The following COL10A1 variants were observed in gnomAD, a reference collection of about 807,000 sequenced individuals.
COL10A1 encodes the protein collagen type X alpha 1 chain.
Under a neutral mutation model 18.2 loss-of-function variants are expected in COL10A1, and 10 were observed. The observed-to-expected ratio is 0.55, with a 90% CI of 0.34 to 0.93. COL10A1 has a LOEUF of 0.93. Ranked by LOEUF, COL10A1 falls within the 40% of genes least tolerant of loss-of-function variation. The pLI, the probability that COL10A1 is intolerant of heterozygous loss-of-function variation, is 0.02. For missense variants in COL10A1, 897 were observed against 853.5 expected, an observed-to-expected ratio of 1.05 and a Z score of -0.64; for synonymous variants, 330 against 316.6, an observed-to-expected ratio of 1.04 and a Z score of -0.45.
the COL10A1 span, among the ~76,000 whole-genome samples, chr6:116,187,351 A>G: frequency 1.3e-5 from 2 of 152,096 alleles, no homozygotes; most frequent in Non-Finnish European, 2.9e-5. Flanking sequence ...CTTTATAGAA[A>G]ACTGAAGCTC....
the COL10A1 span, among the ~76,000 whole-genome samples, chr6:116,173,547 T>C: frequency 6.6e-6 from 1 of 152,066 alleles, no homozygotes; most frequent in African/African-American, 2.4e-5. Flanking sequence ...ACAGCAACAC[T>C]AAAGCTGAGC....
the COL10A1 span, among the ~76,000 whole-genome samples, chr6:116,202,508 G>T: frequency 6.6e-6 from 1 of 151,792 alleles, no homozygotes; most frequent in Non-Finnish European, 1.5e-5. Flanking sequence ...ATTATTATTG[G>T]CAATAGGTTT....
At chr6:116,212,561 C>A in the COL10A1 span, among the ~76,000 whole-genome samples, 1 of 152,108 alleles carries the variant, frequency 6.6e-6, no homozygotes, top group African/African-American at 2.4e-5. Flanking sequence ...CTGAGGATAT[C>A]TGAACTAAAT....
chr6:116,160,982 A>G (rs1472467617), upstream of COL10A1, among the ~76,000 whole-genome samples: 1 of 151,988 alleles, frequency 6.6e-6, no homozygotes, highest in Non-Finnish European at 1.5e-5. Context: ...AAAATGTGGC[A>G]CATATACACC....
chr6:116,136,469 T>G (rs939198871), intron 1 of COL10A1, among the ~76,000 whole-genome samples: 11 of 94,924 alleles, frequency 1.2e-4, no homozygotes, highest in South Asian at 4.0e-4. Flanking sequence ...TTTTGTGGGG[T>G]TTTTTTTAAA....
the COL10A1 span, among the ~76,000 whole-genome samples, chr6:116,210,614 A>C: frequency 6.6e-6 from 1 of 151,986 alleles, no homozygotes; most frequent in Non-Finnish European, 1.5e-5. Flanking sequence ...TAAATCCATT[A>C]ATAGTTATAA....
chr6:116,127,154 T>C (rs781449667), upstream of COL10A1, among the ~76,000 whole-genome samples: 9 of 152,204 alleles, frequency 5.9e-5, no homozygotes, highest in Non-Finnish European at 1.3e-4. Flanking sequence ...ATCATTTTTC[T>C]ACCTCCACAG....
At chr6:116,134,848 G>A (rs1241211896) in intron 1 of COL10A1, among the ~76,000 whole-genome samples, 1 of 152,158 alleles carries the variant, frequency 6.6e-6, no homozygotes, top group Non-Finnish European at 1.5e-5. Flanking sequence ...AGTAGGCATG[G>A]TAGGAGGATA....
At chr6:116,193,922 G>A in the COL10A1 span, among the ~76,000 whole-genome samples, 1 of 152,068 alleles carries the variant, frequency 6.6e-6, no homozygotes, top group East Asian at 1.9e-4. Context: ...AAAGTAGTCA[G>A]ATGTGGTGGC....
chr6:116,179,543 C>T, the COL10A1 span, among the ~76,000 whole-genome samples: 1 of 152,098 alleles, frequency 6.6e-6, no homozygotes, highest in Non-Finnish European at 1.5e-5. Context: ...AAATGCTCAA[C>T]GTCACTAATG....
At chr6:116,191,459 G>A in the COL10A1 span, among the ~76,000 whole-genome samples, 90 of 152,168 alleles carry the variant, frequency 5.9e-4, 1 homozygote, top group Middle Eastern at 3.4e-3. Context: ...AGTGTAAGAG[G>A]TTTCTACTTA....
At chr6:116,140,055 A>G (rs1475222555) in intron 1 of COL10A1, among the ~76,000 whole-genome samples, 2 of 152,188 alleles carry the variant, frequency 1.3e-5, no homozygotes, top group South Asian at 2.1e-4. Context: ...CTGAAGCCCA[A>G]GGTGTTGAGG....
chr6:116,139,652 C>A (rs1779714025), intron 1 of COL10A1, among the ~76,000 whole-genome samples: 1 of 152,012 alleles, frequency 6.6e-6, no homozygotes, highest in African/African-American at 2.4e-5. Flanking sequence ...ACTTTACGAT[C>A]TAGTTTTTTG....
intron 1 of COL10A1, among the ~76,000 whole-genome samples, chr6:116,140,182 G>GAAAA (rs1467564545): frequency 5.9e-5 from 9 of 152,078 alleles, no homozygotes; most frequent in African/African-American, 2.2e-4. Context: ...ATGCTCTCAG[G>GAAAA]TATTTTCAAG....
At chr6:116,183,072 C>T in the COL10A1 span, among the ~76,000 whole-genome samples, 1 of 152,044 alleles carries the variant, frequency 6.6e-6, no homozygotes, top group Non-Finnish European at 1.5e-5. Context: ...GATGAGGATC[C>T]ATTTCGTTCT....
At chr6:116,158,562 G>A (rs955142260) in intron 1 of COL10A1, 22 of 152,042 alleles carry the variant, frequency 1.4e-4, no homozygotes, top group Admixed American at 1.4e-3. Context: ...TTTTCATCTA[G>A]TCACATTATT....
upstream of COL10A1, among the ~76,000 whole-genome samples, chr6:116,129,022 C>T (rs949329353): frequency 6.6e-6 from 1 of 152,170 alleles, no homozygotes; most frequent in Non-Finnish European, 1.5e-5. Flanking sequence ...TCACTCAATT[C>T]TCTTTTCATT....
chr6:116,154,324 C>T (rs531484040), intron 1 of COL10A1, among the ~76,000 whole-genome samples: 2 of 152,138 alleles, frequency 1.3e-5, no homozygotes, highest in African/African-American at 4.8e-5. Flanking sequence ...TCACTGAGGC[C>T]GGGATTTCTT....
chr6:116,137,803 C>T (rs368925696), intron 1 of COL10A1, among the ~76,000 whole-genome samples: 3 of 152,104 alleles, frequency 2.0e-5, no homozygotes, highest in East Asian at 3.9e-4. Context: ...CCAGCTTGGC[C>T]GGACGCACTG....
Sources: allele counts gnomAD v4.1 joint callset (sites outside exome capture counted in the v4.1 genomes callset), GRCh38; gene constraint gnomAD v4.1.1; transcripts MANE v1.5; gene names NCBI Gene and HGNC (gene_info 2026-07-23, HGNC 2026-07-21).